The following LIN28B variants were observed in gnomAD, a reference collection of about 807,000 sequenced individuals.
The protein encoded by LIN28B is lin-28 RNA binding posttranscriptional regulator B.
LIN28B carries 5 observed loss-of-function variants against 21.9 expected under a neutral mutation model. The ratio of observed to expected loss-of-function variants is 0.23; its 90% confidence interval spans 0.12 to 0.48. The LOEUF (loss-of-function observed/expected upper bound fraction) is 0.48. Among genes scored for constraint, LIN28B ranks in the 20% least tolerant of loss-of-function variants. The probability of loss-of-function intolerance (pLI) is 0.98; values close to 1 mark genes in which losing one functional copy is unlikely to be tolerated. For missense variants in LIN28B, 245 were observed against 310.5 expected, an observed-to-expected ratio of 0.79 and a Z score of 1.58; for synonymous variants, 109 against 111.3, an observed-to-expected ratio of 0.98 and a Z score of 0.13.
chr6:105,024,841 T>C (rs1425324272), intron 2 of LIN28B, among the ~76,000 whole-genome samples: 2 of 152,320 alleles, frequency 1.3e-5, no homozygotes, highest in African/African-American at 2.4e-5. Context: ...ACTTGGAGAA[T>C]TGAAGATTTT....
intron 2 of LIN28B, among the ~76,000 whole-genome samples, chr6:104,964,129 C>A (rs556330751): frequency 6.6e-6 from 1 of 152,276 alleles, no homozygotes; most frequent in African/African-American, 2.4e-5. Flanking sequence ...ATAGTTATGT[C>A]TATTTTAACC....
rs1483172696 is a variant in LIN28B at position 105,078,992 on chromosome 6, A to G, written c.*209A>G. The G allele has an allele frequency of 1.8e-6, 1 of 549,734 alleles. No homozygotes were observed. Among genetic ancestry groups the G allele is most frequent in the Non-Finnish European group, 3.2e-6 (1 of 313,184 alleles). The allele number at this position is 549,734 out of a possible 1,614,324, so 34.1% of individuals were successfully genotyped here. A position where few individuals can be genotyped will look rare whatever the true frequency, so the allele number is the denominator to read the frequency against. On this transcript the variant is annotated 3_prime_UTR_variant, in exon 4 of 4. Transcript: ENST00000345080. ...ATGTTAATTCAGAGAATAAGATACT[A>G]TGTCTGTCAATATGTGCATGTGTGA...
intron 2 of LIN28B, among the ~76,000 whole-genome samples, chr6:104,938,840 T>G (rs1173194175): frequency 6.6e-6 from 1 of 152,162 alleles, no homozygotes; most frequent in Non-Finnish European, 1.5e-5. Context: ...GTCCCATTTT[T>G]TATTTGTGTC....
At chr6:105,048,187 C>T (rs1457957911) in intron 3 of LIN28B, among the ~76,000 whole-genome samples, 7 of 152,146 alleles carry the variant, frequency 4.6e-5, no homozygotes, top group Non-Finnish European at 5.9e-5. Context: ...TTTTGAGATA[C>T]GTCCCATCAA....
chr6:105,026,381 T>C lies in LIN28B; in HGVS notation c.282T>C (p.Leu94=). ...CATTTAAAAAATCTTCCAAAGGCCT[T>C]GAGTCAATACGGGTAACAGGACCTG... ...EFTFKKSSKG[L]ESIRVTGPGG... Residue 94 remains leucine (L), a synonymous_variant, in exon 3 of 4, where the codon CTT becomes CTC. Coordinates refer to ENST00000345080, the MANE Select transcript of LIN28B (RefSeq NM_001004317.4). 6.2e-7 allele frequency: 1 copy of C among 1,611,424 alleles called. No homozygotes were observed. The highest frequency in any genetic ancestry group is 8.5e-7 in the Non-Finnish European group (1 of 1,177,974).
At chr6:104,989,576 GT>G (rs34394074) in intron 2 of LIN28B, among the ~76,000 whole-genome samples, 693 of 60,596 alleles carry the variant, frequency 0.011, 2 homozygotes, top group African/African-American at 0.029. Context: ...TTTTACTTGG[GT>G]TTTTTTTTTT....
chr6:104,992,514 G>GTGTGT (rs1221284024), intron 2 of LIN28B, among the ~76,000 whole-genome samples: 5 of 139,602 alleles, frequency 3.6e-5, no homozygotes, highest in African/African-American at 8.5e-5. Context: ...GTGTGTGTGT[G>GTGTGT]TTTTTTTTTT....
At chr6:105,044,052 C>T (rs1163620311) in intron 3 of LIN28B, among the ~76,000 whole-genome samples, 1 of 152,030 alleles carries the variant, frequency 6.6e-6, no homozygotes, top group African/African-American at 2.4e-5. Flanking sequence ...TTGTGTTTTA[C>T]CTATTCAGTG....
rs567225796 is a variant in LIN28B at position 104,951,684 on chromosome 6, G to A, written c.67+1175G>A. 3.3e-5 allele frequency among the ~76,000 whole-genome samples: 5 copies of A among 152,226 alleles called. No individual in the cohort carries two copies. The East Asian group carries it at 5.8e-4, about 18-fold the overall frequency. On this transcript the variant is annotated intron_variant, in intron 3 of 5. Transcript: ENST00000635857. ...TATTTCCTTGTGATTAAAAAGGATC[G>A]GAGGGGAAAGGTACAACTTTCACCA... is the stretch of plus-strand genomic sequence containing the variant.
intron 2 of LIN28B, among the ~76,000 whole-genome samples, chr6:104,987,773 C>G (rs1232985752): frequency 6.6e-6 from 1 of 152,078 alleles, no homozygotes; most frequent in Non-Finnish European, 1.5e-5. Flanking sequence ...TAGATGGACT[C>G]TTGCTCTGTC....
intron 3 of LIN28B, chr6:105,058,049 T>C (rs190412599): frequency 1.0e-5 from 4 of 383,084 alleles, no homozygotes; most frequent in East Asian, 1.9e-4. Context: ...GAAATTCATA[T>C]TTCTTGAACT....
At chr6:105,010,401 TATCAACTC>T (rs1168019766) in intron 2 of LIN28B, among the ~76,000 whole-genome samples, 1 of 151,410 alleles carries the variant, frequency 6.6e-6, no homozygotes, top group African/African-American at 2.4e-5. Flanking sequence ...ACAGTTTCAA[TATCAACTC>T]ATTACTTTCT....
chr6:104,937,671 G>A (rs1033496292), intron 2 of LIN28B, among the ~76,000 whole-genome samples: 2 of 152,168 alleles, frequency 1.3e-5, no homozygotes, highest in African/African-American at 2.4e-5. Flanking sequence ...ATGACGTGAT[G>A]CCTGGGGTTT....
rs1772507208 is a variant in LIN28B, at chr6:105,079,828, T to A, written c.*1045T>A. Reference sequence around the variant, plus strand: ...TATTCCTCCTGGAGAGTTATCTAATTTGTTTCTAAAACAAACAAGCAGCAA... The same window carrying A: ...TATTCCTCCTGGAGAGTTATCTAATATGTTTCTAAAACAAACAAGCAGCAA... On this transcript the variant is annotated 3_prime_UTR_variant, in exon 4 of 4. Coordinates refer to ENST00000345080, the MANE Select transcript of LIN28B (RefSeq NM_001004317.4). 1 of 152,218 alleles carries A rather than the reference T, an allele frequency of 6.6e-6. No homozygotes were observed. Among genetic ancestry groups the A allele is most frequent in the Non-Finnish European group, 1.5e-5 (1 of 68,044 alleles). 9.4% of individuals were successfully genotyped at this position (152,218 alleles called of 1,614,324 possible). A position where few individuals can be genotyped will look rare whatever the true frequency, so the allele number is the denominator to read the frequency against.
chr6:105,038,352 A>G (rs1371126746), intron 3 of LIN28B, among the ~76,000 whole-genome samples: 1 of 152,184 alleles, frequency 6.6e-6, no homozygotes, highest in African/African-American at 2.4e-5. Flanking sequence ...ATGAAAAGGG[A>G]ACTGGAAGAG....
At position 105,078,675 on chromosome 6, in the gene LIN28B, A is replaced by G. The variant is rs998815679; in HGVS notation, c.645A>G (p.Ser215=). The G allele has an allele frequency of 1.2e-6, 2 of 1,614,158 alleles. No individual in the cohort carries two copies. Among genetic ancestry groups the G allele is most frequent in the Non-Finnish European group, 8.5e-7 (1 of 1,180,006 alleles). ...CTCAGGAGGCTAGGGCAGAGATCTC[A>G]GAACGGTCAGGCAGGTCACCTCAAG... is the stretch of plus-strand genomic sequence containing the variant. The part of the protein sequence containing the change: ...PFPQEARAEI[S]ERSGRSPQEA... Residue 215 remains serine (S), a synonymous_variant, in exon 4 of 4, where the codon TCA becomes TCG. Transcript: ENST00000345080.
At chr6:105,072,176 G>A (rs1209373251) in intron 3 of LIN28B, among the ~76,000 whole-genome samples, 1 of 151,860 alleles carries the variant, frequency 6.6e-6, no homozygotes, top group Non-Finnish European at 1.5e-5. Flanking sequence ...CATCAATATT[G>A]TTGGGTATAA....
intron 3 of LIN28B, among the ~76,000 whole-genome samples, chr6:105,062,886 T>G (rs1041715599): frequency 2.0e-5 from 3 of 152,188 alleles, no homozygotes; most frequent in Non-Finnish European, 4.4e-5. Context: ...TTTTCATTTC[T>G]ATGTTATTTC....
intron 3 of LIN28B, among the ~76,000 whole-genome samples, chr6:105,054,766 C>T (rs1405800237): frequency 6.6e-6 from 1 of 152,084 alleles, no homozygotes; most frequent in Non-Finnish European, 1.5e-5. Context: ...CTTTGGGGTG[C>T]CCCCCATGGG....
Sources: allele counts gnomAD v4.1 joint callset (sites outside exome capture counted in the v4.1 genomes callset), GRCh38; gene constraint gnomAD v4.1.1; transcripts MANE v1.5; gene names NCBI Gene and HGNC (gene_info 2026-07-23, HGNC 2026-07-21).